The following PALM2AKAP2 variants were observed in gnomAD, a reference collection of about 807,000 sequenced individuals.
PALM2AKAP2 encodes the protein PALM2 and AKAP2 fusion.
In PALM2AKAP2, 37 loss-of-function variants were observed where a neutral mutation model predicts 71.5. The observed-to-expected ratio is 0.52, with a 90% CI of 0.40 to 0.68. PALM2AKAP2 has a LOEUF of 0.68. PALM2AKAP2 is among the 30% of genes least tolerant of loss of function. The pLI is 0.00. For synonymous variants in PALM2AKAP2, 468 were observed against 478.8 expected, an observed-to-expected ratio of 0.98 and a Z score of 0.29; for missense variants, 1,224 against 1,191.8, an observed-to-expected ratio of 1.03 and a Z score of -0.40.
intron 1 of PALM2AKAP2, among the ~76,000 whole-genome samples, chr9:109,709,427 G>A (rs1828193048): frequency 6.6e-6 from 1 of 152,182 alleles, no homozygotes; most frequent in South Asian, 2.1e-4. Context: ...CCTGGATGCT[G>A]CTTGCTCACC....
chr9:109,870,049 T>G (rs1465255542), intron 2 of PALM2AKAP2, among the ~76,000 whole-genome samples: 4 of 152,176 alleles, frequency 2.6e-5, no homozygotes, highest in African/African-American at 9.7e-5. Context: ...TAGTACTATC[T>G]GCAGAGAGAC....
chr9:109,655,867 G>T (rs1157353302), intron 1 of PALM2AKAP2, among the ~76,000 whole-genome samples: 1 of 152,060 alleles, frequency 6.6e-6, no homozygotes, highest in African/African-American at 2.4e-5. Flanking sequence ...TCCCCCTTTT[G>T]GGTATCATGA....
At chr9:109,694,032 C>A (rs1827933933) in intron 1 of PALM2AKAP2, among the ~76,000 whole-genome samples, 1 of 151,932 alleles carries the variant, frequency 6.6e-6, no homozygotes, top group African/African-American at 2.4e-5. Flanking sequence ...CTCCCCCAAT[C>A]TCCCCCTTCC....
At position 109,787,407 on chromosome 9, in the gene PALM2AKAP2, C is replaced by T. The variant is rs183853751; in HGVS notation, c.45+6874C>T. The stretch of plus-strand genomic sequence containing the variant: ...AGTGAAAGGAGAATTTTGTTAGCCA[C>T]AGCATTTTTGTCAAACTAGGAAATT... On this transcript the variant is annotated intron_variant, in intron 1 of 9. Coordinates refer to the PALM2AKAP2 transcript ENST00000302798. Among the ~76,000 whole-genome samples, 5 of 152,270 alleles carry T rather than the reference C, an allele frequency of 3.3e-5. No individual in the cohort carries two copies. In the East Asian group the frequency reaches 9.6e-4, roughly 29 times the overall value.
chr9:109,663,668 T>C lies in PALM2AKAP2; in HGVS notation c.5+22802T>C, dbSNP rs187208880. Reference sequence around the variant, plus strand: ...CTAAGAAGAATGTATATTCTGTTGATTTGGGGTGGAGAGTTCTGTAGATGT... The same window carrying C: ...CTAAGAAGAATGTATATTCTGTTGACTTGGGGTGGAGAGTTCTGTAGATGT... On this transcript the variant is annotated intron_variant, in intron 1 of 6. Coordinates refer to the PALM2AKAP2 transcript ENST00000374531. Among the ~76,000 whole-genome samples, 189 of 152,306 alleles carry C rather than the reference T, an allele frequency of 1.2e-3. 6 individuals are homozygous for C. The East Asian group carries it at 0.033, about 26-fold the overall frequency.
At chr9:109,921,810 C>T (rs1830836811) in intron 3 of PALM2AKAP2, among the ~76,000 whole-genome samples, 2 of 152,138 alleles carry the variant, frequency 1.3e-5, no homozygotes, top group Non-Finnish European at 2.9e-5. Flanking sequence ...ACCATGGGGA[C>T]TTATAAGCTG....
intron 1 of PALM2AKAP2, among the ~76,000 whole-genome samples, chr9:109,843,264 C>T (rs1200550200): frequency 1.1e-4 from 16 of 140,960 alleles, no homozygotes; most frequent in African/African-American, 1.9e-4. Context: ...ATGGCACTAC[C>T]GCACTCTAAC....
intron 1 of PALM2AKAP2, among the ~76,000 whole-genome samples, chr9:110,073,354 A>G (rs779636549): frequency 9.9e-5 from 15 of 152,190 alleles, no homozygotes; most frequent in Admixed American, 8.5e-4. Flanking sequence ...CTCAACTGGG[A>G]CACTTGAAGT....
chr9:110,100,321 A>G (rs1834966737), intron 1 of PALM2AKAP2, among the ~76,000 whole-genome samples: 1 of 152,052 alleles, frequency 6.6e-6, no homozygotes, highest in Non-Finnish European at 1.5e-5. Context: ...GCACTTCTAG[A>G]AGGAAGCTGA....
At chr9:109,682,151 A>G (rs1827744665) in intron 1 of PALM2AKAP2, among the ~76,000 whole-genome samples, 1 of 152,224 alleles carries the variant, frequency 6.6e-6, no homozygotes, top group Non-Finnish European at 1.5e-5. Flanking sequence ...CATCCATGCC[A>G]TGCCTCTGTT....
At chr9:110,037,909 G>A (rs1046461091) in intron 7 of PALM2AKAP2, among the ~76,000 whole-genome samples, 3 of 152,180 alleles carry the variant, frequency 2.0e-5, no homozygotes, top group Non-Finnish European at 4.4e-5. Context: ...GGATTCACCT[G>A]TGCACAGCCA....
chr9:109,810,721 T>A (rs1204081047), intron 1 of PALM2AKAP2, among the ~76,000 whole-genome samples: 1 of 152,124 alleles, frequency 6.6e-6, no homozygotes, highest in African/African-American at 2.4e-5. Context: ...ACAGTATGTT[T>A]GAGGGCTGCA....
chr9:109,994,613 C>T (rs1233419673), intron 6 of PALM2AKAP2, among the ~76,000 whole-genome samples: 2 of 152,176 alleles, frequency 1.3e-5, no homozygotes, highest in South Asian at 2.1e-4. Flanking sequence ...GAGCATTGAG[C>T]GTCCAGTCCC....
intron 1 of PALM2AKAP2, among the ~76,000 whole-genome samples, chr9:109,647,286 T>G (rs1470174383): frequency 6.6e-6 from 1 of 152,230 alleles, no homozygotes; most frequent in Non-Finnish European, 1.5e-5. Context: ...AATATCAATA[T>G]ATACACATCT....
At chr9:109,978,321 T>C (rs2132182219) in intron 6 of PALM2AKAP2, among the ~76,000 whole-genome samples, 1 of 152,256 alleles carries the variant, frequency 6.6e-6, no homozygotes, top group Non-Finnish European at 1.5e-5. Flanking sequence ...ATCTCAAATA[T>C]TTTGAGAAAA....
intron 6 of PALM2AKAP2, among the ~76,000 whole-genome samples, chr9:109,981,829 A>G (rs1832277547): frequency 1.3e-5 from 2 of 152,210 alleles, no homozygotes; most frequent in South Asian, 4.2e-4. Flanking sequence ...GGATGTAGAG[A>G]AAAGGGAACA....
At chr9:110,151,533 A>G (rs1171760181) in intron 2 of PALM2AKAP2, among the ~76,000 whole-genome samples, 1 of 152,182 alleles carries the variant, frequency 6.6e-6, no homozygotes, top group Non-Finnish European at 1.5e-5. Context: ...GAGTTTCCCA[A>G]GCTTAATTTG....
At chr9:109,880,526 C>T (rs1379071957) in intron 2 of PALM2AKAP2, 25 bp from the exon 3 acceptor site, 4 of 1,611,492 alleles carry the variant, frequency 2.5e-6, no homozygotes, top group Non-Finnish European at 3.4e-6. Flanking sequence ...ATCATCTTGT[C>T]TGTTGTCTTC....
intron 1 of PALM2AKAP2, among the ~76,000 whole-genome samples, chr9:109,757,172 T>C (rs1467151494): frequency 6.6e-6 from 1 of 152,070 alleles, no homozygotes; most frequent in African/African-American, 2.4e-5. Context: ...TCTACCTCCA[T>C]GAGATTAACT....
Sources: allele counts gnomAD v4.1 joint callset (sites outside exome capture counted in the v4.1 genomes callset), GRCh38; gene constraint gnomAD v4.1.1; transcripts MANE v1.5; gene names NCBI Gene and HGNC (gene_info 2026-07-23, HGNC 2026-07-21).